The following DCDC2C variants were observed in gnomAD, a reference collection of about 807,000 sequenced individuals.
The protein encoded by DCDC2C is doublecortin domain-containing protein 2C.
DCDC2C carries 44 observed loss-of-function variants against 45.0 expected under a neutral mutation model. The ratio of observed to expected loss-of-function variants is 0.98; its 90% confidence interval spans 0.77 to 1.26. The LOEUF is 1.26. Among genes scored for constraint, DCDC2C ranks in the 50% most tolerant of loss-of-function variants. The pLI, the probability that DCDC2C is intolerant of heterozygous loss-of-function variation, is 0.00. For synonymous variants in DCDC2C, 187 were observed against 178.8 expected (o/e 1.05, Z -0.37); for missense variants, 447 against 468.9 (o/e 0.95, Z 0.43).
chr2:3,820,753 G>C (rs188713451), intron 10 of DCDC2C, among the ~76,000 whole-genome samples: 1 of 152,282 alleles, frequency 6.6e-6, no homozygotes, highest in Non-Finnish European at 1.5e-5. Flanking sequence ...TAGGGAGAGA[G>C]GGAGATTGAA....
chr2:3,806,923 G>C (rs1239111932), intron 10 of DCDC2C, among the ~76,000 whole-genome samples: 1 of 152,114 alleles, frequency 6.6e-6, no homozygotes, highest in African/African-American at 2.4e-5. Context: ...TTTCAGTTGG[G>C]TGAGGTGTTG....
chr2:3,838,844 A>T (rs1263178079), intron 10 of DCDC2C, among the ~76,000 whole-genome samples: 1 of 152,246 alleles, frequency 6.6e-6, no homozygotes, highest in Non-Finnish European at 1.5e-5. Context: ...TCCCAAGGCT[A>T]CAAAATTAGA....
At chr2:3,776,581 G>A (rs540139350) in intron 8 of DCDC2C, among the ~76,000 whole-genome samples, 26 of 152,252 alleles carry the variant, frequency 1.7e-4, no homozygotes, top group East Asian at 1.5e-3. Flanking sequence ...CTGGCCGCTC[G>A]TTGTCCTTCT....
intron 2 of DCDC2C, among the ~76,000 whole-genome samples, chr2:3,718,656 A>G (rs547551539): frequency 4.5e-4 from 68 of 152,264 alleles, no homozygotes; most frequent in African/African-American, 1.5e-3. Context: ...TGCAGTTAAC[A>G]CTGGAAATGA....
chr2:3,816,716 A>C (rs1311012454), intron 10 of DCDC2C, among the ~76,000 whole-genome samples: 2 of 152,222 alleles, frequency 1.3e-5, no homozygotes, highest in Non-Finnish European at 2.9e-5. Flanking sequence ...GAGAGACTTA[A>C]GGGTGGCAGT....
intron 2 of DCDC2C, among the ~76,000 whole-genome samples, chr2:3,711,473 A>G (rs960796068): frequency 6.6e-6 from 1 of 152,214 alleles, no homozygotes; most frequent in Non-Finnish European, 1.5e-5. Context: ...TAAAAAAAGA[A>G]TAAGACCATA....
At position 3,703,621 on chromosome 2, in the gene DCDC2C, C is replaced by A; in HGVS notation, c.-131C>A. ...AGCCCCCGTCCCGTCCCCGTCCCGT[C>A]CCCGTCCTGCGCCAGCGGCTGGAGC... On this transcript the variant is annotated 5_prime_UTR_variant, in exon 1 of 11. Coordinates refer to ENST00000399143, the MANE Select transcript of DCDC2C (RefSeq NM_001287444.2). The surrounding 1 kb of genome is among the most constrained non-coding windows in gnomAD (Gnocchi z 4.4). The A allele has an allele frequency of 1.1e-6, 1 of 913,764 alleles. No homozygotes were observed. Among genetic ancestry groups the A allele is most frequent in the Non-Finnish European group, 1.4e-6 (1 of 707,200 alleles). 56.6% of individuals were successfully genotyped at this position (913,764 alleles called of 1,614,324 possible).
At position 3,779,945 on chromosome 2, in the gene DCDC2C, A is replaced by G. The variant is rs564256675; in HGVS notation, c.1023+1061A>G. Among the ~76,000 whole-genome samples, 32 of 152,254 alleles carry G rather than the reference A, an allele frequency of 2.1e-4. No individual in the cohort carries two copies. The South Asian group carries it at 6.6e-3, about 32-fold the overall frequency. On this transcript the variant is annotated intron_variant, in intron 9 of 10. Transcript: ENST00000399143. ...GTTGGAAGGGATATGGGTCCTCAGG[A>G]AGTTAGTTCAGGTTTTTTAGAAAAC...
Position 3,820,115 on chromosome 2 carries a change from C to T in DCDC2C, c.1066-27039C>T, listed in dbSNP as rs1359534207. ...TTGGGAGCAGAGACTAGGGTGGGACCAATGTGTAAAAGAATGCCTGGACGT... is the reference window on the plus strand; with the variant it reads ...TTGGGAGCAGAGACTAGGGTGGGACTAATGTGTAAAAGAATGCCTGGACGT... On this transcript the variant is annotated intron_variant, in intron 10 of 10. Coordinates refer to ENST00000399143, the MANE Select transcript of DCDC2C (RefSeq NM_001287444.2). Among the ~76,000 whole-genome samples the T allele has an allele frequency of 3.9e-5, 6 of 152,178 alleles. No homozygotes were observed. The East Asian group carries it at 1.2e-3, about 29-fold the overall frequency.
chr2:3,734,033 A>G lies in DCDC2C; in HGVS notation c.416+6954A>G, dbSNP rs910811659. 6.6e-6 allele frequency among the ~76,000 whole-genome samples: 1 copy of G among 152,212 alleles called. No individual in the cohort carries two copies. The highest frequency in any genetic ancestry group is 2.4e-5 in the African/African-American group (1 of 41,450). ...TTATGCCGTATCCCTCAGTTTTAAT[A>G]AGAGCAGTTTGCTGGGGTAGTAACA... On this transcript the variant is annotated intron_variant, in intron 3 of 10. Coordinates refer to ENST00000399143, the MANE Select transcript of DCDC2C (RefSeq NM_001287444.2). This position sits in a 1 kb window ranked among gnomAD's most constrained non-coding sequence, Gnocchi z 4.2.
At chr2:3,816,222 C>G (rs1260519495) in intron 10 of DCDC2C, among the ~76,000 whole-genome samples, 3 of 152,084 alleles carry the variant, frequency 2.0e-5, no homozygotes, top group Admixed American at 1.3e-4. Context: ...AAATGGAAGA[C>G]ACAAAGTCCG....
At chr2:3,742,183 A>G (rs1669236110) in intron 4 of DCDC2C, 135 bp downstream of exon 4, 1 of 1,098,564 alleles carries the variant, frequency 9.1e-7, no homozygotes, top group Admixed American at 3.5e-5. Flanking sequence ...CTTCAAGCAG[A>G]TAGTATTTTC....
At chr2:3,777,403 T>A (rs1330702777) in intron 8 of DCDC2C, among the ~76,000 whole-genome samples, 1 of 152,232 alleles carries the variant, frequency 6.6e-6, no homozygotes, top group African/African-American at 2.4e-5. Context: ...CTTGTTTGTT[T>A]GTACTCACAA....
rs1667948889 is a variant in DCDC2C, at chr2:3,703,906, A to G, written c.155A>G (p.Glu52Gly). The G allele has an allele frequency of 1.5e-6, 2 of 1,342,992 alleles. No homozygotes were observed. The highest frequency in any genetic ancestry group is 1.5e-5 in the African/African-American group (1 of 65,524). The allele number at this position is 1,342,992 out of a possible 1,614,324, so 83.2% of individuals were successfully genotyped here. Reference protein sequence around the residue: ...TFEALLEQLTEQVDVPFGVRR... With the variant: ...TFEALLEQLTGQVDVPFGVRR... The stretch of plus-strand genomic sequence containing the variant: ...GAGGCGCTGCTGGAGCAGCTCACGG[A>G]GCAGGTGGACGTCCCGTTCGGCGTG... The change falls in exon 1 of 11, where the codon GAG becomes GGG. Residue 52 changes from glutamate (E) to glycine (G), a missense_variant. Coordinates refer to ENST00000399143, the MANE Select transcript of DCDC2C (RefSeq NM_001287444.2). This position sits in a 1 kb window ranked among gnomAD's most constrained non-coding sequence, Gnocchi z 4.4.
Position 3,769,324 on chromosome 2 carries a change from T to TA in DCDC2C, c.870dup (p.Ala291SerfsTer5). ...ATTTTCTCCCAGAAGGTGACGTGTA[T>TA]AAAGCACCGACTCCTAGCAAGGAAA... On this transcript the variant is annotated frameshift_variant, in exon 8 of 11. Coordinates refer to ENST00000399143, the MANE Select transcript of DCDC2C (RefSeq NM_001287444.2). LOFTEE classifies it high-confidence loss of function. 6.5e-7 allele frequency: 1 copy of TA among 1,550,364 alleles called. No homozygotes were observed. Among genetic ancestry groups the TA allele is most frequent in the Non-Finnish European group, 8.7e-7 (1 of 1,146,862 alleles).
intron 8 of DCDC2C, among the ~76,000 whole-genome samples, chr2:3,778,484 C>A (rs1350668603): frequency 2.0e-5 from 3 of 152,162 alleles, no homozygotes; most frequent in Non-Finnish European, 4.4e-5. Context: ...AGGGCGTCTG[C>A]TGACCAGGGA....
intron 2 of DCDC2C, among the ~76,000 whole-genome samples, chr2:3,719,116 C>T (rs570114279): frequency 5.9e-5 from 9 of 151,728 alleles, no homozygotes; most frequent in Non-Finnish European, 8.8e-5. Flanking sequence ...GATGGAGTCT[C>T]GCTCTGTCGC....
chr2:3,706,242 T>C (rs7578808), intron 1 of DCDC2C, among the ~76,000 whole-genome samples: 1,791 of 152,344 alleles, frequency 0.012, 42 homozygotes, highest in African/African-American at 0.042. Context: ...CCTGTTGATA[T>C]ATTAGTGATC....
intron 10 of DCDC2C, among the ~76,000 whole-genome samples, chr2:3,826,833 T>C (rs1558244698): frequency 1.3e-5 from 2 of 152,190 alleles, no homozygotes; most frequent in African/African-American, 4.8e-5. Context: ...TGAGATTACC[T>C]GATAGTAAGG....
Sources: gnomAD v4.1 joint callset for allele counts (sites outside exome capture counted in the v4.1 genomes callset) on GRCh38, gnomAD v4.1.1 for gene constraint, Gnocchi (gnomAD v3.1) non-coding constraint, MANE v1.5 for transcripts, NCBI Gene and HGNC (gene_info 2026-07-23, HGNC 2026-07-21) for gene names.